IER3IP1: variants seen among roughly 807,000 people sequenced by gnomAD.
The protein encoded by IER3IP1 is immediate early response 3 interacting protein 1, also known as immediate early response 3-interacting protein 1.
Under a neutral mutation model 12.2 loss-of-function variants are expected in IER3IP1, and 16 were observed. That is an observed-to-expected ratio of 1.31 (90% confidence interval 0.89 to 1.99). The LOEUF (loss-of-function observed/expected upper bound fraction) is 1.99. Among genes scored for constraint, IER3IP1 ranks in the 30% most tolerant of loss-of-function variants. IER3IP1 has a pLI of 0.00. For missense variants in IER3IP1, 95 were observed against 95.8 expected (o/e 0.99, Z 0.03); for synonymous variants, 42 against 40.0 (o/e 1.05, Z -0.19).
At chr18:47,175,830 G>A (rs1335495635) in intron 1 of IER3IP1, among the ~76,000 whole-genome samples, 2 of 151,720 alleles carry the variant, frequency 1.3e-5, no homozygotes, top group African/African-American at 4.8e-5. Flanking sequence ...TCACAGGACC[G>A]CGACACTGCA....
At chr18:47,158,252 G>T (rs1254840446) in intron 1 of IER3IP1, among the ~76,000 whole-genome samples, 1 of 152,146 alleles carries the variant, frequency 6.6e-6, no homozygotes, top group African/African-American at 2.4e-5. Flanking sequence ...CTAATATCAA[G>T]TGATCCTCCA....
intron 1 of IER3IP1, among the ~76,000 whole-genome samples, chr18:47,171,736 T>C (rs1173720257): frequency 1.3e-5 from 2 of 152,210 alleles, no homozygotes; most frequent in Non-Finnish European, 2.9e-5. Flanking sequence ...GAGCAGGTTG[T>C]GGCTCAAATG....
intron 2 of IER3IP1, among the ~76,000 whole-genome samples, 193 bp from the exon 3 acceptor site, chr18:47,156,425 C>T (rs1437427847): frequency 4.0e-5 from 6 of 151,824 alleles, no homozygotes; most frequent in Non-Finnish European, 7.4e-5. Flanking sequence ...TTAAAGAGAA[C>T]TTGTATAACT....
rs764369878 is a variant in IER3IP1, at chr18:47,157,467, G to T, written c.162C>A (p.Asn54Lys). 4 of 1,613,936 alleles carry T rather than the reference G, an allele frequency of 2.5e-6. No homozygotes were observed. Among genetic ancestry groups the T allele is most frequent in the Non-Finnish European group, 2.5e-6 (3 of 1,179,920 alleles). Reference protein sequence around the residue: ...EEPGIKSQLMNLIRSVRTVMR... With the variant: ...EEPGIKSQLMKLIRSVRTVMR... ...TCACGGTTCTTACAGATCGAATAAG[G>T]TTCATTAGCTGTGATTTAATTCCCG... Residue 54 changes from asparagine (N) to lysine (K), a missense_variant, in exon 2 of 3, where the codon AAC becomes AAA. Physicochemically the swap from Asn to Lys is moderately conservative, Grantham distance 94. Transcript: ENST00000256433.
At chr18:47,164,285 A>C (rs1287886369) in intron 1 of IER3IP1, among the ~76,000 whole-genome samples, 2 of 152,190 alleles carry the variant, frequency 1.3e-5, no homozygotes, top group Non-Finnish European at 2.9e-5. Context: ...AATGAAAAAA[A>C]AAAATGGATG....
Position 47,153,264 on chromosome 18 carries a change from T to G in IER3IP1, c.*2913A>C, listed in dbSNP as rs888734781. The G allele has an allele frequency of 1.1e-4, 16 of 152,258 alleles. No individual in the cohort carries two copies. The highest frequency in any genetic ancestry group is 3.9e-4 in the African/African-American group (16 of 41,454). The allele number at this position is 152,258 out of a possible 1,614,324, so 9.4% of individuals were successfully genotyped here. Reference sequence around the variant, plus strand: ...CTTTAGGGGTACAAGTGGTTTCTGGTTACATGGATGAATTGTATAGTGGTG... The same window carrying G: ...CTTTAGGGGTACAAGTGGTTTCTGGGTACATGGATGAATTGTATAGTGGTG... On this transcript the variant is annotated 3_prime_UTR_variant, in exon 3 of 3. Transcript: ENST00000256433.
chr18:47,156,940 G>A (rs2063962388), intron 2 of IER3IP1: 1 of 168,362 alleles, frequency 5.9e-6, no homozygotes, highest in African/African-American at 2.4e-5. Context: ...TAGGATTACA[G>A]GTATGCACCA....
chr18:47,168,712 G>C (rs887471821), intron 1 of IER3IP1, among the ~76,000 whole-genome samples: 1 of 152,008 alleles, frequency 6.6e-6, no homozygotes, highest in African/African-American at 2.4e-5. Flanking sequence ...CATGTCTTTT[G>C]GTGCACATAT....
At chr18:47,160,237 T>C (rs2063975786) in intron 1 of IER3IP1, among the ~76,000 whole-genome samples, 1 of 151,820 alleles carries the variant, frequency 6.6e-6, no homozygotes, top group African/African-American at 2.4e-5. Context: ...CATGCTTCTG[T>C]GTTGTTTTGG....
intron 1 of IER3IP1, among the ~76,000 whole-genome samples, chr18:47,159,375 T>G (rs1414769318): frequency 1.3e-5 from 2 of 152,214 alleles, no homozygotes; most frequent in African/African-American, 4.8e-5. Flanking sequence ...GAACCTTTCT[T>G]TATTTACTGA....
At chr18:47,157,196 C>CA in intron 2 of IER3IP1, 1 of 517,270 alleles carries the variant, frequency 1.9e-6, no homozygotes, top group South Asian at 2.6e-5. Flanking sequence ...ACAGGTAACA[C>CA]ACAAACAGAT....
intron 1 of IER3IP1, among the ~76,000 whole-genome samples, chr18:47,166,761 CAAATA>C (rs1908706974): frequency 6.6e-6 from 1 of 152,136 alleles, no homozygotes; most frequent in South Asian, 2.1e-4. Context: ...AAATTAAAAA[CAAATA>C]AAATAAAAAA....
intron 1 of IER3IP1, among the ~76,000 whole-genome samples, chr18:47,166,770 TA>T (rs1219231754): frequency 6.6e-6 from 1 of 151,890 alleles, no homozygotes; most frequent in Non-Finnish European, 1.5e-5. Context: ...ACAAATAAAA[TA>T]AAAAAACCTA....
Position 47,172,838 on chromosome 18 carries a change from ACT to A in IER3IP1, c.91+3347_91+3348del, listed in dbSNP as rs1177411760. On this transcript the variant is annotated intron_variant, in intron 1 of 2. Coordinates refer to ENST00000256433, the MANE Select transcript of IER3IP1 (RefSeq NM_016097.5). This position sits in a 1 kb window ranked among gnomAD's most constrained non-coding sequence, Gnocchi z 4.0. ...GTAGTATCTCTTCAAACACTTCCTG[ACT>A]CTGGTGAAATCCCACTGTCTAGGTT... is the stretch of plus-strand genomic sequence containing the variant. 3.3e-5 allele frequency among the ~76,000 whole-genome samples: 5 copies of A among 152,074 alleles called. No homozygotes were observed. The South Asian group carries it at 1.0e-3, about 32-fold the overall frequency.
rs551608894 is a variant in IER3IP1 at position 47,172,070 on chromosome 18, C to T, written c.91+4117G>A. Among the ~76,000 whole-genome samples the T allele has an allele frequency of 5.6e-4, 85 of 152,302 alleles. No homozygotes were observed. The highest frequency in any genetic ancestry group is 9.4e-4 in the Non-Finnish European group (64 of 68,024). On this transcript the variant is annotated intron_variant, in intron 1 of 2. Coordinates refer to ENST00000256433, the MANE Select transcript of IER3IP1 (RefSeq NM_016097.5). This position sits in a 1 kb window ranked among gnomAD's most constrained non-coding sequence, Gnocchi z 4.0. ...GTGCTGGGATTACAGGCATGAGCCA[C>T]GGTGCTGGGCCTTCTGTTTTGGTCT...
At chr18:47,165,682 C>T (rs945834741) in intron 1 of IER3IP1, among the ~76,000 whole-genome samples, 8 of 152,182 alleles carry the variant, frequency 5.3e-5, no homozygotes, top group Admixed American at 3.3e-4. Flanking sequence ...CAATAGCTCA[C>T]TCACTATTTT....
intron 1 of IER3IP1, among the ~76,000 whole-genome samples, chr18:47,163,463 A>C (rs1416082463): frequency 6.6e-6 from 1 of 152,206 alleles, no homozygotes; most frequent in African/African-American, 2.4e-5. Flanking sequence ...TGTATAAATT[A>C]CTTATTTCTG....
intron 1 of IER3IP1, among the ~76,000 whole-genome samples, chr18:47,175,949 T>C (rs1200173060): frequency 2.6e-5 from 4 of 151,992 alleles, no homozygotes; most frequent in African/African-American, 9.7e-5. Flanking sequence ...CGTCCCTGAC[T>C]GACTTCTATA....
chr18:47,176,162 GCC>G, intron 1 of IER3IP1, 23 bp downstream of exon 1: 1 of 1,565,748 alleles, frequency 6.4e-7, no homozygotes, highest in Non-Finnish European at 8.7e-7. Context: ...CGCCGCCCCA[GCC>G]CGCGCCCCGC....
Sources: gnomAD v4.1 joint callset for allele counts (sites outside exome capture counted in the v4.1 genomes callset) on GRCh38, gnomAD v4.1.1 for gene constraint, Gnocchi (gnomAD v3.1) non-coding constraint, MANE v1.5 for transcripts, NCBI Gene and HGNC (gene_info 2026-07-23, HGNC 2026-07-21) for gene names.